Variants in CP observed in about 807,000 individuals in gnomAD.
CP encodes ceruloplasmin.
Under a neutral mutation model 122.4 loss-of-function variants are expected in CP, and 64 were observed. That is an observed-to-expected ratio of 0.52 (90% CI 0.43 to 0.64). CP has a LOEUF of 0.64. Among genes scored for constraint, CP ranks in the 30% least tolerant of loss-of-function variants. The pLI is 0.00. For missense variants in CP, 1,167 were observed against 1,284.4 expected (o/e 0.91, Z 1.40); for synonymous variants, 440 against 436.4 (o/e 1.01, Z -0.10).
intron 2 of CP, 64 bp downstream of exon 2, chr3:149,212,387 A>G (rs949375107): frequency 3.8e-6 from 6 of 1,584,746 alleles, no homozygotes. Context: ...CCACAATTTT[A>G]GAAGCTAAAA....
At position 149,183,623 on chromosome 3, in the gene CP, C is replaced by A; in HGVS notation, c.2286-18G>T. ...TTGAAACACTTAAAAAAAAAAACAACTAAGGTTAGTATTTGTCTTAATGAA... is the reference window on the plus strand; with the variant it reads ...TTGAAACACTTAAAAAAAAAAACAAATAAGGTTAGTATTTGTCTTAATGAA... On this transcript the variant is annotated intron_variant, in intron 12 of 18. Coordinates refer to ENST00000264613, the MANE Select transcript of CP (RefSeq NM_000096.4). 3 of 1,452,386 alleles carry A rather than the reference C, an allele frequency of 2.1e-6. No individual in the cohort carries two copies. Among genetic ancestry groups the A allele is most frequent in the Non-Finnish European group, 9.5e-7 (1 of 1,047,622 alleles). The allele number at this position is 1,452,386 out of a possible 1,614,324, so 90.0% of individuals were successfully genotyped here. A position where few individuals can be genotyped will look rare whatever the true frequency, so the allele number is the denominator to read the frequency against.
chr3:149,181,048 G>A (rs1725740417), intron 14 of CP, among the ~76,000 whole-genome samples: 1 of 152,120 alleles, frequency 6.6e-6, no homozygotes, highest in South Asian at 2.1e-4. Context: ...GATTATTGCA[G>A]TGGTCCTTAA....
chr3:149,206,203 G>A lies in CP; in HGVS notation c.1173C>T (p.Asp391=), dbSNP rs1727702962. 6.2e-7 allele frequency: 1 copy of A among 1,613,940 alleles called. No homozygotes were observed. Among genetic ancestry groups the A allele is most frequent in the Non-Finnish European group, 8.5e-7 (1 of 1,179,852 alleles). ...IIWNYAPSGI[D]IFTKENLTAP... is the part of the protein sequence containing the mutation. ...CTGTTAAGTTTTCTTTAGTGAAGAT[G>A]TCTATACCAGAGGGAGCATAGTTCC... is the stretch of plus-strand genomic sequence containing the variant. Residue 391 remains aspartate (D), a synonymous_variant, in exon 6 of 19, where the codon GAC becomes GAT. Transcript: ENST00000264613.
At position 149,209,246 on chromosome 3, in the gene CP, T is replaced by G. The variant is rs151311306; in HGVS notation, c.746A>C (p.Asp249Ala). The change falls in exon 4 of 19, where the codon GAC (aspartate) becomes GCC (alanine). Residue 249 changes from aspartate (D) to alanine (A), a missense_variant. Around this residue, in one of 2 missense-constraint regions of CP, gnomAD observed 642 missense variants for 627.3 expected, o/e 1.02. Coordinates refer to ENST00000264613, the MANE Select transcript of CP (RefSeq NM_000096.4). ...GTTACTCTCCTGGAAGTCTTCGTTG[T>G]CTTTGTCAACTTTCTCTGGTTCTGA... ...YCSEPEKVDKDNEDFQESNRM... is the reference protein window; with the variant it reads ...YCSEPEKVDKANEDFQESNRM... 3.7e-5 allele frequency: 60 copies of G among 1,613,706 alleles called. No homozygotes were observed. In the African/African-American group the frequency reaches 7.7e-4, roughly 21 times the overall value.
intron 2 of CP, 113 bp downstream of exon 2, chr3:149,212,338 A>T (rs1374598573): frequency 1.9e-5 from 21 of 1,109,306 alleles, no homozygotes; most frequent in African/African-American, 3.2e-5. Context: ...AATAGTTAAG[A>T]GCTGAATGGC....
intron 1 of CP, 103 bp from the exon 2 acceptor site, chr3:149,212,801 A>C: frequency 7.3e-7 from 1 of 1,361,392 alleles, no homozygotes; most frequent in Admixed American, 2.1e-5. Flanking sequence ...TAATGAGCAC[A>C]TCACATTGAA....
Position 149,173,646 on chromosome 3 carries a change from A to G in CP, c.*68T>C, listed in dbSNP as rs1004107120. ...ATTCCAAAGTAACATTCTATTTTAC[A>G]CTTTCACATACATTGTTATGAATCA... is the stretch of plus-strand genomic sequence containing the variant. On this transcript the variant is annotated 3_prime_UTR_variant, in exon 19 of 19. Transcript: ENST00000264613. 2.0e-6 allele frequency: 2 copies of G among 1,002,686 alleles called. No homozygotes were observed. Among genetic ancestry groups the G allele is most frequent in the East Asian group, 2.6e-5 (1 of 37,938 alleles). 62.1% of individuals were successfully genotyped at this position (1,002,686 alleles called of 1,614,324 possible).
At chr3:149,189,102 G>T (rs561472437) in intron 9 of CP, among the ~76,000 whole-genome samples, 1 of 152,286 alleles carries the variant, frequency 6.6e-6, no homozygotes, top group African/African-American at 2.4e-5. Context: ...ATAAAAGGAA[G>T]AGGCACAATC....
rs1727704266 is a variant in CP at position 149,206,215 on chromosome 3, G to A, written c.1161C>T (p.Pro387=). ...CTTTAGTGAAGATGTCTATACCAGA[G>A]GGAGCATAGTTCCAGATGATTTCCT... ...AAEEIIWNYA[P]SGIDIFTKEN... is the part of the protein sequence containing the mutation. The change falls in exon 6 of 19, where the codon CCC becomes CCT. Residue 387 remains proline, a synonymous_variant. Coordinates refer to ENST00000264613, the MANE Select transcript of CP (RefSeq NM_000096.4). 6.2e-7 allele frequency: 1 copy of A among 1,613,860 alleles called. No homozygotes were observed. Among genetic ancestry groups the A allele is most frequent in the Non-Finnish European group, 8.5e-7 (1 of 1,179,898 alleles).
At chr3:149,163,616 A>C (rs1724110581) in intron 5 of CP, among the ~76,000 whole-genome samples, 1 of 152,178 alleles carries the variant, frequency 6.6e-6, no homozygotes, top group African/African-American at 2.4e-5. Flanking sequence ...GCCTCTTTGG[A>C]GTATTTACAT....
chr3:149,180,099 T>A (rs1725681392), intron 14 of CP: 1 of 198,956 alleles, frequency 5.0e-6, no homozygotes, highest in Non-Finnish European at 1.0e-5. Flanking sequence ...CTATTTTGTG[T>A]AATTCCCTCA....
At chr3:149,182,730 A>G (rs986106665) in intron 13 of CP, among the ~76,000 whole-genome samples, 11 of 151,878 alleles carry the variant, frequency 7.2e-5, no homozygotes, top group Admixed American at 2.0e-4. Context: ...TTTTTCTTTT[A>G]TTTCCTGTTG....
intron 5 of CP, chr3:149,164,097 G>T (rs756230127): frequency 1.7e-6 from 1 of 587,372 alleles, no homozygotes; most frequent in Non-Finnish European, 3.0e-6. Flanking sequence ...AGGAGACTTG[G>T]AGGGAATGCC....
intron 1 of CP, among the ~76,000 whole-genome samples, chr3:149,216,226 G>T (rs1038539932): frequency 7.9e-5 from 12 of 152,144 alleles, no homozygotes; most frequent in African/African-American, 2.7e-4. Flanking sequence ...GGTGTGGCTG[G>T]GTTCACTGCC....
At chr3:149,187,292 G>A (rs1418941257) in intron 10 of CP, among the ~76,000 whole-genome samples, 2 of 152,004 alleles carry the variant, frequency 1.3e-5, no homozygotes, top group East Asian at 3.9e-4. Flanking sequence ...TGTGGGTAGC[G>A]TGACTAGTAC....
chr3:149,192,885 G>A (rs943376995), intron 9 of CP, among the ~76,000 whole-genome samples: 2 of 151,622 alleles, frequency 1.3e-5, no homozygotes, highest in Non-Finnish European at 2.9e-5. Flanking sequence ...TTAGTAAAAC[G>A]GCAGAGAACA....
At chr3:149,189,842 A>G (rs912612516) in intron 9 of CP, among the ~76,000 whole-genome samples, 1 of 152,172 alleles carries the variant, frequency 6.6e-6, no homozygotes, top group African/African-American at 2.4e-5. Flanking sequence ...AAAAATTACT[A>G]GTCAAGGACA....
At position 149,179,711 on chromosome 3, in the gene CP, T is replaced by TACACAC. The variant is rs71304221; in HGVS notation, c.2555-55_2555-50dup. 21,239 of 606,638 alleles carry TACACAC rather than the reference T, an allele frequency of 0.035. 296 individuals carry two copies. Among genetic ancestry groups the TACACAC allele is most frequent in the East Asian group, 0.11 (2,703 of 24,288 alleles). The allele number at this position is 606,638 out of a possible 1,614,324, so 37.6% of individuals were successfully genotyped here. A position where few individuals can be genotyped will look rare whatever the true frequency, so the allele number is the denominator to read the frequency against. On this transcript the variant is annotated intron_variant, in intron 14 of 18. Coordinates refer to ENST00000264613, the MANE Select transcript of CP (RefSeq NM_000096.4). The stretch of plus-strand genomic sequence containing the variant: ...ATCTGGTTGTATTTGGTTTATATTG[T>TACACAC]ACACACACACACACACACACACACA...
At chr3:149,192,170 TAAA>T (rs1453895104) in intron 9 of CP, among the ~76,000 whole-genome samples, 1 of 151,964 alleles carries the variant, frequency 6.6e-6, no homozygotes, top group Non-Finnish European at 1.5e-5. Context: ...GCTGCAATAA[TAAA>T]AACAATGTGG....
Sources: gnomAD v4.1 joint callset for allele counts (sites outside exome capture counted in the v4.1 genomes callset) on GRCh38, gnomAD v4.1.1 for gene constraint, gnomAD v4.1.1 regional missense constraint, MANE v1.5 for transcripts, NCBI Gene and HGNC (gene_info 2026-07-23, HGNC 2026-07-21) for gene names.